ULK1: variants seen among roughly 807,000 people sequenced by gnomAD.
The protein encoded by ULK1 is serine/threonine-protein kinase ULK1.
In ULK1, 48 loss-of-function variants were observed where a neutral mutation model predicts 117.5. That is an observed-to-expected ratio of 0.41 (90% CI 0.32 to 0.52). ULK1 has a LOEUF of 0.52. ULK1 is among the 20% of genes least tolerant of loss of function. ULK1 has a pLI of 0.29. For missense variants in ULK1, 1,387 were observed against 1,473.4 expected (o/e 0.94, Z 0.96); for synonymous variants, 790 against 637.8 (o/e 1.24, Z -3.60).
At chr12:131,895,946 A>T in intron 3 of ULK1, 122 bp downstream of exon 3, 1 of 1,276,028 alleles carries the variant, frequency 7.8e-7, no homozygotes. Flanking sequence ...GGGCCCCTGG[A>T]GACTCCACCC....
intron 3 of ULK1, among the ~76,000 whole-genome samples, chr12:131,900,733 C>G (rs1240251805): frequency 6.6e-6 from 1 of 152,262 alleles, no homozygotes; most frequent in Admixed American, 6.5e-5. Context: ...CAGACAGAGC[C>G]GCTGCCTGTG....
intron 3 of ULK1, among the ~76,000 whole-genome samples, chr12:131,905,145 CTG>C (rs1889224712): frequency 6.6e-6 from 1 of 152,168 alleles, no homozygotes; most frequent in Non-Finnish European, 1.5e-5. Context: ...CCTGCAGTGT[CTG>C]TGGATCCTGG....
Position 131,909,991 on chromosome 12 carries a change from C to G in ULK1, c.798C>G (p.Arg266=). Residue 266 remains arginine, a synonymous_variant, in exon 10 of 28, where the codon CGC becomes CGG. Coordinates refer to ENST00000321867, the MANE Select transcript of ULK1 (RefSeq NM_003565.4). ...TACTGCAACGCAACCACAAGGACCG[C>G]ATGGACTTCGGTGAGCACCCACCAG... The part of the protein sequence containing the change: ...LALLQRNHKD[R]MDFDEFFHHP... 6.2e-7 allele frequency: 1 copy of G among 1,611,994 alleles called. No individual in the cohort carries two copies. Among genetic ancestry groups the G allele is most frequent in the Non-Finnish European group, 8.5e-7 (1 of 1,179,850 alleles).
intron 8 of ULK1, 78 bp from the exon 9 acceptor site, chr12:131,909,697 G>A: frequency 7.1e-7 from 1 of 1,409,014 alleles, no homozygotes; most frequent in East Asian, 2.5e-5. Flanking sequence ...GGCCGACTGG[G>A]GACGAACGCA....
intron 25 of ULK1, 178 bp downstream of exon 25, chr12:131,919,768 T>C: frequency 9.8e-7 from 1 of 1,018,696 alleles, no homozygotes; most frequent in Non-Finnish European, 1.4e-6. Flanking sequence ...GACAGCACCC[T>C]GGAGCCCAGT....
chr12:131,901,039 C>CTTTT (rs1231176159), intron 3 of ULK1, among the ~76,000 whole-genome samples: 27 of 143,784 alleles, frequency 1.9e-4, no homozygotes, highest in African/African-American at 6.1e-4. Flanking sequence ...TTGTGTATAT[C>CTTTT]TTTTTTTTTT....
intron 3 of ULK1, chr12:131,897,734 TAAAAAAAAGA>T (rs932845036): frequency 6.7e-6 from 1 of 148,174 alleles, no homozygotes; most frequent in African/African-American, 2.5e-5. Flanking sequence ...TCGCTCTCTC[TAAAAAAAAGA>T]AAAAAAAAGA....
chr12:131,917,664 A>G (rs1230867330), intron 22 of ULK1, 110 bp downstream of exon 22: 7 of 1,140,570 alleles, frequency 6.1e-6, no homozygotes, highest in African/African-American at 1.6e-5. Context: ...CCCAGAGCCC[A>G]GGGGTGCCTG....
At chr12:131,899,348 C>A (rs1208219175) in intron 3 of ULK1, among the ~76,000 whole-genome samples, 1 of 152,138 alleles carries the variant, frequency 6.6e-6, no homozygotes, top group East Asian at 1.9e-4. Flanking sequence ...GCCACCACGC[C>A]TGGCTAATTT....
At chr12:131,908,487 C>A in intron 5 of ULK1, 157 bp from the exon 6 acceptor site, 1 of 857,238 alleles carries the variant, frequency 1.2e-6, no homozygotes, top group Non-Finnish European at 1.7e-6. Flanking sequence ...CTCGGCGGCC[C>A]GTGGTGGCTT....
Position 131,919,594 on chromosome 12 carries a change from A to G in ULK1, c.2803+4A>G, listed in dbSNP as rs1203747609. On this transcript the variant is annotated splice_donor_region_variant and intron_variant, in intron 25 of 27. Coordinates refer to ENST00000321867, the MANE Select transcript of ULK1 (RefSeq NM_003565.4). Reference sequence around the variant, plus strand: ...CTGTCGTCCACTGTGAAGCAGGGTGAGGGCTGCGACCGCTCAGCCCACATG... The same window carrying G: ...CTGTCGTCCACTGTGAAGCAGGGTGGGGGCTGCGACCGCTCAGCCCACATG... 1 of 1,611,058 alleles carries G rather than the reference A, an allele frequency of 6.2e-7. No homozygotes were observed. The highest frequency in any genetic ancestry group is 1.7e-4 in the Middle Eastern group (1 of 6,056).
Position 131,906,575 on chromosome 12 carries a change from G to A in ULK1, c.247-317G>A, listed in dbSNP as rs571737945. 22 of 405,492 alleles carry A rather than the reference G, an allele frequency of 5.4e-5. No individual in the cohort carries two copies. In the East Asian group the frequency reaches 1.1e-3, roughly 20 times the overall value. 25.1% of individuals were successfully genotyped at this position (405,492 alleles called of 1,614,324 possible). A position where few individuals can be genotyped will look rare whatever the true frequency, so the allele number is the denominator to read the frequency against. On this transcript the variant is annotated intron_variant, in intron 3 of 27. Coordinates refer to ENST00000321867, the MANE Select transcript of ULK1 (RefSeq NM_003565.4). ...GAGCTGAGAAGCTTCTATGGCCTGAGGGTCACACACACCTGCCCACACACC... is the reference window on the plus strand; with the variant it reads ...GAGCTGAGAAGCTTCTATGGCCTGAAGGTCACACACACCTGCCCACACACC...
At chr12:131,899,319 G>T (rs1309043961) in intron 3 of ULK1, among the ~76,000 whole-genome samples, 1 of 151,978 alleles carries the variant, frequency 6.6e-6, no homozygotes, top group Non-Finnish European at 1.5e-5. Flanking sequence ...CTCCCGGGTA[G>T]CTGGGATTAC....
At chr12:131,908,129 C>A (rs1889352477) in intron 5 of ULK1, among the ~76,000 whole-genome samples, 1 of 152,104 alleles carries the variant, frequency 6.6e-6, no homozygotes, top group Non-Finnish European at 1.5e-5. Context: ...GGCTCAGACC[C>A]GCGTCGCCCT....
intron 23 of ULK1, among the ~76,000 whole-genome samples, chr12:131,918,923 A>AGGGTGTGGGGTGTC (rs1890012954): frequency 3.5e-4 from 1 of 2,826 alleles, no homozygotes; most frequent in African/African-American, 8.8e-4. Context: ...TGTGGGGTGC[A>AGGGTGTGGGGTGTC]GGGTGTGTGG....
intron 3 of ULK1, among the ~76,000 whole-genome samples, chr12:131,896,190 T>G (rs1301344949): frequency 6.6e-6 from 1 of 152,030 alleles, no homozygotes; most frequent in Non-Finnish European, 1.5e-5. Context: ...TTTGTTGACA[T>G]TGCTCCTGCG....
chr12:131,916,086 T>C lies in ULK1; in HGVS notation c.1805T>C (p.Leu602Pro), dbSNP rs749074811. 13 of 1,612,022 alleles carry C rather than the reference T, an allele frequency of 8.1e-6. No individual in the cohort carries two copies. The highest frequency in any genetic ancestry group is 8.5e-7 in the Non-Finnish European group (1 of 1,179,798). The stretch of plus-strand genomic sequence containing the variant: ...CACGGCCTGCAGTCCTGCCGGAACC[T>C]GCGGGGCTCACCCAAGCTGCCCGAC... The part of the protein sequence containing the change: ...PSHGLQSCRN[L>P]RGSPKLPDFL... The change falls in exon 19 of 28, where the codon CTG becomes CCG. Residue 602 changes from leucine to proline, a missense_variant. By Grantham distance (98) the Leu-to-Pro change is moderately conservative. Transcript: ENST00000321867.
Position 131,915,111 on chromosome 12 carries a change from A to C in ULK1, c.1402A>C (p.Thr468Pro). The part of the protein sequence containing the change: ...RSSAIRRSGS[T>P]SPLGFARASP... Reference sequence around the variant, plus strand: ...CTCTGCCATCCGCAGGTCAGGCAGCACCAGCCCCCTGGGCTTTGCAAGGGC... The same window carrying C: ...CTCTGCCATCCGCAGGTCAGGCAGCCCCAGCCCCCTGGGCTTTGCAAGGGC... The change falls in exon 17 of 28, where the codon ACC becomes CCC. Residue 468 changes from threonine to proline, a missense_variant. Around this residue, in one of 4 missense-constraint regions of ULK1, gnomAD observed 900 missense variants for 858.9 expected, o/e 1.05. Coordinates refer to ENST00000321867, the MANE Select transcript of ULK1 (RefSeq NM_003565.4). The C allele has an allele frequency of 6.4e-7, 1 of 1,571,716 alleles. No individual in the cohort carries two copies. The highest frequency in any genetic ancestry group is 8.6e-7 in the Non-Finnish European group (1 of 1,160,068).
intron 5 of ULK1, 99 bp downstream of exon 5, chr12:131,907,630 G>A: frequency 1.4e-6 from 2 of 1,442,404 alleles, no homozygotes; most frequent in South Asian, 1.3e-5. Flanking sequence ...TGGCTCGAGT[G>A]GGTCCTTGGC....
Sources: allele counts gnomAD v4.1 joint callset (sites outside exome capture counted in the v4.1 genomes callset), GRCh38; gene constraint gnomAD v4.1.1; regional missense constraint gnomAD v4.1.1; transcripts MANE v1.5; gene names NCBI Gene and HGNC (gene_info 2026-07-23, HGNC 2026-07-21).